PCDH15: variants seen among roughly 807,000 people sequenced by gnomAD.
PCDH15 encodes the protein protocadherin related 15, also known as protocadherin-15.
PCDH15 carries 129 observed loss-of-function variants against 178.5 expected under a neutral mutation model. That is an observed-to-expected ratio of 0.72 (90% CI 0.63 to 0.84). PCDH15 has a LOEUF of 0.84. PCDH15 is among the 40% of genes least tolerant of loss of function. The pLI, the probability that PCDH15 is intolerant of heterozygous loss-of-function variation, is 0.00. For missense variants in PCDH15, 2,230 were observed against 2,099.9 expected, an observed-to-expected ratio of 1.06 and a Z score of -1.21; for synonymous variants, 800 against 732.0, an observed-to-expected ratio of 1.09 and a Z score of -1.50.
In PCDH15 at chr10:54,822,137, A is replaced by G. The variant is rs1333836346; in HGVS notation, c.-29+75313T>C. On this transcript the variant is annotated intron_variant, in intron 3 of 5. Coordinates refer to the PCDH15 transcript ENST00000458638. ...GTAATTGGGATATTCATCATCTAAA[A>G]CATTTATTATTTATTTGTGTTGGTA... is the stretch of plus-strand genomic sequence containing the variant. Among the ~76,000 whole-genome samples, 4 of 152,180 alleles carry G rather than the reference A, an allele frequency of 2.6e-5. No individual in the cohort carries two copies. In the East Asian group the frequency reaches 7.7e-4, roughly 29 times the overall value.
At chr10:54,946,168 GA>G (rs1376560762) in intron 2 of PCDH15, among the ~76,000 whole-genome samples, 2 of 151,814 alleles carry the variant, frequency 1.3e-5, no homozygotes, top group African/African-American at 2.4e-5. Flanking sequence ...CATAGATAAT[GA>G]AAGATGAATT....
chr10:55,035,222 G>A (rs990311251), intron 2 of PCDH15, among the ~76,000 whole-genome samples: 1 of 152,038 alleles, frequency 6.6e-6, no homozygotes, highest in Non-Finnish European at 1.5e-5. Context: ...ATGTTGAGTG[G>A]ATAATTAAAA....
chr10:53,896,336 G>T (rs1226081952), intron 26 of PCDH15, among the ~76,000 whole-genome samples: 1 of 152,118 alleles, frequency 6.6e-6, no homozygotes, highest in Non-Finnish European at 1.5e-5. Context: ...AATATTACAA[G>T]TATTCATCAC....
chr10:54,112,323 T>C (rs1392636146), intron 15 of PCDH15, among the ~76,000 whole-genome samples: 1 of 152,032 alleles, frequency 6.6e-6, no homozygotes, highest in African/African-American at 2.4e-5. Flanking sequence ...CTCTGACCTC[T>C]ATCCCTTAGT....
At chr10:55,550,863 T>C (rs1300781691) in intron 2 of PCDH15, among the ~76,000 whole-genome samples, 1 of 152,070 alleles carries the variant, frequency 6.6e-6, no homozygotes, top group Non-Finnish European at 1.5e-5. Flanking sequence ...CCAAAATATA[T>C]ACCTTGATGT....
At chr10:54,399,476 A>T (rs973595864) in intron 3 of PCDH15, among the ~76,000 whole-genome samples, 2 of 152,050 alleles carry the variant, frequency 1.3e-5, no homozygotes, top group Admixed American at 6.6e-5. Context: ...GAAAAGAACT[A>T]AATTTACAGA....
chr10:54,147,314 A>G (rs2044084833), intron 14 of PCDH15, among the ~76,000 whole-genome samples: 1 of 151,822 alleles, frequency 6.6e-6, no homozygotes, highest in African/African-American at 2.4e-5. Context: ...TAATGAAAAT[A>G]AATGTGAAGC....
intron 3 of PCDH15, among the ~76,000 whole-genome samples, chr10:54,432,091 A>T (rs1000070171): frequency 1.3e-5 from 2 of 152,092 alleles, no homozygotes; most frequent in South Asian, 2.1e-4. Flanking sequence ...AAATGGAAAG[A>T]TATTCCATGT....
intron 1 of PCDH15, among the ~76,000 whole-genome samples, chr10:55,250,095 T>C (rs564320627): frequency 3.0e-3 from 453 of 152,248 alleles, no homozygotes; most frequent in African/African-American, 0.011. Flanking sequence ...GTTTTTCTTA[T>C]TCTGCTTAGA....
chr10:55,307,812 C>T (rs1843471043), intron 1 of PCDH15, among the ~76,000 whole-genome samples: 1 of 151,732 alleles, frequency 6.6e-6, no homozygotes, highest in Admixed American at 6.6e-5. Flanking sequence ...ATTTTAGATG[C>T]CTATCCTACT....
chr10:54,055,424 A>C (rs1216612586), intron 18 of PCDH15, among the ~76,000 whole-genome samples: 1 of 152,226 alleles, frequency 6.6e-6, no homozygotes, highest in Non-Finnish European at 1.5e-5. Context: ...TATATTATAC[A>C]ATGCTGAGAA....
chr10:55,525,926 A>C (rs1234929955), intron 2 of PCDH15, among the ~76,000 whole-genome samples: 3 of 151,954 alleles, frequency 2.0e-5, no homozygotes. Flanking sequence ...GACTGACAGC[A>C]TTCTGCAAAA....
At chr10:55,359,556 A>G (rs891137255) in intron 2 of PCDH15, among the ~76,000 whole-genome samples, 3 of 151,808 alleles carry the variant, frequency 2.0e-5, no homozygotes, top group African/African-American at 4.8e-5. Context: ...TTGAACAGCC[A>G]CATGAACCAG....
chr10:54,212,851 G>T (rs984951815), intron 10 of PCDH15, among the ~76,000 whole-genome samples: 8 of 152,186 alleles, frequency 5.3e-5, no homozygotes, highest in African/African-American at 1.7e-4. Context: ...AACTAAATTT[G>T]AATCTCAACT....
chr10:54,627,965 A>C (rs569933288), intron 2 of PCDH15, among the ~76,000 whole-genome samples: 1 of 152,262 alleles, frequency 6.6e-6, no homozygotes, highest in African/African-American at 2.4e-5. Flanking sequence ...CTAGGCTACT[A>C]TTTGTCATGC....
intron 2 of PCDH15, among the ~76,000 whole-genome samples, chr10:55,404,633 A>G (rs1192460156): frequency 2.6e-5 from 4 of 151,978 alleles, no homozygotes; most frequent in Non-Finnish European, 4.4e-5. Context: ...TATTGTGTAT[A>G]TCCTATTTCT....
intron 15 of PCDH15, among the ~76,000 whole-genome samples, chr10:54,109,499 G>C (rs1161251741): frequency 6.6e-6 from 1 of 152,150 alleles, no homozygotes; most frequent in East Asian, 1.9e-4. Flanking sequence ...GCCATAAAAA[G>C]TGACATTCTG....
intron 2 of PCDH15, among the ~76,000 whole-genome samples, chr10:54,973,783 A>G (rs1432656641): frequency 6.6e-6 from 1 of 152,162 alleles, no homozygotes; most frequent in African/African-American, 2.4e-5. Context: ...AACCTCTATC[A>G]TGGAATAAAT....
chr10:54,246,872 T>C (rs1254433853), intron 8 of PCDH15, among the ~76,000 whole-genome samples: 2 of 151,934 alleles, frequency 1.3e-5, no homozygotes, highest in African/African-American at 4.8e-5. Context: ...TATTATTATC[T>C]TATAGTTGCT....
Sources: gnomAD v4.1 joint callset for allele counts (sites outside exome capture counted in the v4.1 genomes callset) on GRCh38, gnomAD v4.1.1 for gene constraint, MANE v1.5 for transcripts, NCBI Gene and HGNC (gene_info 2026-07-23, HGNC 2026-07-21) for gene names.